TBCA: variants seen among roughly 807,000 people sequenced by gnomAD.
The protein encoded by TBCA is tubulin folding cofactor A, also known as tubulin-specific chaperone A.
TBCA carries 6 observed loss-of-function variants against 15.8 expected under a neutral mutation model. That is an observed-to-expected ratio of 0.38 (90% CI 0.21 to 0.75). The LOEUF is 0.75. TBCA is among the 30% of genes least tolerant of loss of function. The pLI is 0.46. For missense variants in TBCA, 90 were observed against 131.2 expected, an observed-to-expected ratio of 0.69 and a Z score of 1.53; for synonymous variants, 32 against 42.3, an observed-to-expected ratio of 0.76 and a Z score of 0.94.
chr5:77,753,223 C>T (rs991488454), intron 1 of TBCA, among the ~76,000 whole-genome samples: 2 of 152,126 alleles, frequency 1.3e-5, no homozygotes, highest in Non-Finnish European at 2.9e-5. Context: ...ATCAAATTTA[C>T]CAAATTAACC....
At chr5:77,747,294 T>G (rs970735092) in intron 1 of TBCA, among the ~76,000 whole-genome samples, 1 of 152,118 alleles carries the variant, frequency 6.6e-6, no homozygotes. Flanking sequence ...TTTCACTACA[T>G]ATAACATTGT....
chr5:77,772,930 A>T (rs1747946462), intron 1 of TBCA, among the ~76,000 whole-genome samples: 1 of 152,246 alleles, frequency 6.6e-6, no homozygotes, highest in Admixed American at 6.5e-5. Flanking sequence ...AACTACTTGA[A>T]CTAAGTAATT....
rs1343152210 is a variant in TBCA at position 77,776,105 on chromosome 5, A to C, written c.53+100T>G. The C allele has an allele frequency of 2.7e-6, 4 of 1,456,232 alleles. No homozygotes were observed. The South Asian group carries it at 5.0e-5, about 18-fold the overall frequency. The allele number at this position is 1,456,232 out of a possible 1,614,324, so 90.2% of individuals were successfully genotyped here. A position where few individuals can be genotyped will look rare whatever the true frequency, so the allele number is the denominator to read the frequency against. ...GCCCCGGGTGCGGCCTGGAGTTCGG[A>C]GCCCGCCTCGGGCCTCCTCGGGCCT... On this transcript the variant is annotated intron_variant, in intron 1 of 3. Transcript: ENST00000380377.
chr5:77,754,631 TA>T, intron 1 of TBCA, among the ~76,000 whole-genome samples: 1 of 152,214 alleles, frequency 6.6e-6, no homozygotes, highest in Admixed American at 6.5e-5. Flanking sequence ...GTAAGAACCT[TA>T]AGATTATATA....
At chr5:77,707,325 C>T (rs1034377997) in intron 2 of TBCA, among the ~76,000 whole-genome samples, 12 of 151,984 alleles carry the variant, frequency 7.9e-5, no homozygotes, top group African/African-American at 2.9e-4. Context: ...AATGAATGTT[C>T]AATATATGCT....
At chr5:77,744,599 G>A (rs1243519351) in intron 1 of TBCA, among the ~76,000 whole-genome samples, 2 of 140,090 alleles carry the variant, frequency 1.4e-5, no homozygotes, top group East Asian at 2.1e-4. Flanking sequence ...ACAGTGGCGC[G>A]ATCTCGGCTC....
intron 2 of TBCA, chr5:77,705,484 A>G (rs749447528): frequency 2.3e-5 from 9 of 397,556 alleles, no homozygotes; most frequent in Non-Finnish European, 4.0e-5. Context: ...TTTTAAGAAT[A>G]AAAAGTTACA....
At chr5:77,738,318 A>C (rs1746955298) in intron 1 of TBCA, among the ~76,000 whole-genome samples, 1 of 152,222 alleles carries the variant, frequency 6.6e-6, no homozygotes, top group South Asian at 2.1e-4. Flanking sequence ...GAGAAGATTA[A>C]CTTGCCTATG....
chr5:77,762,833 GTA>G (rs1332171177), intron 1 of TBCA, among the ~76,000 whole-genome samples: 1 of 152,158 alleles, frequency 6.6e-6, no homozygotes, highest in Non-Finnish European at 1.5e-5. Context: ...GTTGTCTAAG[GTA>G]TATATGTACA....
chr5:77,716,354 C>T (rs1329847396), intron 1 of TBCA, among the ~76,000 whole-genome samples: 2 of 152,138 alleles, frequency 1.3e-5, no homozygotes, highest in Non-Finnish European at 2.9e-5. Flanking sequence ...TCTCCTAAAA[C>T]TTTTTTGCCA....
chr5:77,701,814 T>A (rs1241882484), intron 2 of TBCA, among the ~76,000 whole-genome samples: 1 of 149,344 alleles, frequency 6.7e-6, no homozygotes, highest in Admixed American at 6.7e-5. Context: ...CTAAGTGAGG[T>A]AACTCAGTAT....
intron 2 of TBCA, among the ~76,000 whole-genome samples, chr5:77,693,993 A>AGGGGATCT (rs1745817517): frequency 6.6e-6 from 1 of 152,186 alleles, no homozygotes; most frequent in Non-Finnish European, 1.5e-5. Context: ...CTGCTGTTGC[A>AGGGGATCT]AAGCACCTTT....
intron 1 of TBCA, among the ~76,000 whole-genome samples, chr5:77,759,413 G>A (rs963547474): frequency 1.3e-5 from 2 of 152,146 alleles, no homozygotes; most frequent in African/African-American, 4.8e-5. Flanking sequence ...TGCTGGAGGG[G>A]TATAATGAGG....
chr5:77,738,308 G>C (rs1480104472), intron 1 of TBCA, among the ~76,000 whole-genome samples: 1 of 152,224 alleles, frequency 6.6e-6, no homozygotes, highest in East Asian at 1.9e-4. Context: ...TTTTGGCATT[G>C]AGAAGATTAA....
chr5:77,771,858 G>A (rs75631977), intron 1 of TBCA, among the ~76,000 whole-genome samples: 3,126 of 152,204 alleles, frequency 0.021, 36 homozygotes, highest in Non-Finnish European at 0.033. Context: ...TACCCAAACT[G>A]AACTCTAGGA....
intron 3 of TBCA, chr5:77,692,820 T>A (rs1221695750): frequency 1.9e-6 from 2 of 1,062,946 alleles, no homozygotes; most frequent in Admixed American, 9.9e-5. Context: ...GATTACCAGG[T>A]TTTTTCCCCC....
intron 1 of TBCA, among the ~76,000 whole-genome samples, chr5:77,714,477 TGA>T (rs1746351493): frequency 6.6e-6 from 1 of 152,156 alleles, no homozygotes; most frequent in South Asian, 2.1e-4. Context: ...TTCAAAGTTT[TGA>T]GAGAAAATGA....
intron 1 of TBCA, among the ~76,000 whole-genome samples, chr5:77,758,025 C>G (rs895804032): frequency 1.3e-5 from 2 of 152,084 alleles, no homozygotes; most frequent in African/African-American, 4.8e-5. Context: ...AGTTTCAGAT[C>G]AGGAGCAGAA....
At chr5:77,747,054 A>T (rs1365676341) in intron 1 of TBCA, among the ~76,000 whole-genome samples, 1 of 152,156 alleles carries the variant, frequency 6.6e-6, no homozygotes, top group Admixed American at 6.5e-5. Context: ...ATTATACTCT[A>T]ATGTGGAGGG....
Sources: gnomAD v4.1 joint callset for allele counts (sites outside exome capture counted in the v4.1 genomes callset) on GRCh38, gnomAD v4.1.1 for gene constraint, MANE v1.5 for transcripts, NCBI Gene and HGNC (gene_info 2026-07-23, HGNC 2026-07-21) for gene names.